PEAK1: variants seen among roughly 807,000 people sequenced by gnomAD.
PEAK1 encodes the protein pseudopodium enriched atypical kinase 1.
PEAK1 carries 54 observed loss-of-function variants against 124.7 expected under a neutral mutation model. The ratio of observed to expected loss-of-function variants is 0.43; its 90% CI spans 0.35 to 0.54. The LOEUF (loss-of-function observed/expected upper bound fraction) is 0.54, where lower values mean the gene tolerates loss of function less well. PEAK1 is among the 20% of genes least tolerant of loss of function. PEAK1 has a pLI of 0.01. For missense variants in PEAK1, 2,046 were observed against 2,134.5 expected, an observed-to-expected ratio of 0.96 and a Z score of 0.82; for synonymous variants, 719 against 760.0, an observed-to-expected ratio of 0.95 and a Z score of 0.89.
At chr15:77,191,173 A>C (rs2057813994) in intron 6 of PEAK1, among the ~76,000 whole-genome samples, 1 of 152,226 alleles carries the variant, frequency 6.6e-6, no homozygotes, top group African/African-American at 2.4e-5. Context: ...TCCTCTTGTG[A>C]TCTTATTCAC....
In PEAK1 at chr15:77,373,805, C is replaced by T. The variant is rs1325240048; in HGVS notation, c.-665-8580G>A. 5.3e-5 allele frequency among the ~76,000 whole-genome samples: 8 copies of T among 152,084 alleles called. No homozygotes were observed. The East Asian group carries it at 1.5e-3, about 29-fold the overall frequency. On this transcript the variant is annotated intron_variant, in intron 1 of 9. Transcript: ENST00000682557. ...GCTTATCAGGCTTCTAATTCTTTGG[C>T]AAAATAATAAATGAAGACATACCAG...
rs758296311 is a variant in PEAK1, at chr15:77,114,442, T to C, written c.4955A>G (p.Glu1652Gly). ...ASCLLNPNPS[E>G]RILISDAKGI... ...TTTGGCGTCTGAAATGAGGATCCGC[T>C]CAGAAGGGTTGGGATTCAGGAGGCA... Residue 1652 changes from glutamate (E) to glycine (G), a missense_variant, in exon 10 of 10, where the codon GAG becomes GGG. Coordinates refer to ENST00000682557, the MANE Select transcript of PEAK1 (RefSeq NM_001385026.1). 2.5e-6 allele frequency: 4 copies of C among 1,613,958 alleles called. No individual in the cohort carries two copies. The highest frequency in any genetic ancestry group is 3.4e-6 in the Non-Finnish European group (4 of 1,179,978).
intron 5 of PEAK1, among the ~76,000 whole-genome samples, chr15:77,256,438 A>G (rs1320770371): frequency 6.6e-6 from 1 of 152,106 alleles, no homozygotes; most frequent in Non-Finnish European, 1.5e-5. Context: ...TAGAATGGAA[A>G]TACAATGGTC....
At chr15:77,129,601 A>ATTTTTTTTT in intron 9 of PEAK1, among the ~76,000 whole-genome samples, 1 of 139,606 alleles carries the variant, frequency 7.2e-6, no homozygotes, top group Non-Finnish European at 1.5e-5. Context: ...ATGACTGGCT[A>ATTTTTTTTT]TTTTTTTTTT....
chr15:77,258,524 T>C (rs952263440), intron 5 of PEAK1, among the ~76,000 whole-genome samples: 9 of 152,180 alleles, frequency 5.9e-5, no homozygotes, highest in Non-Finnish European at 7.4e-5. Flanking sequence ...TTTGGCTCTC[T>C]GTTTGTCTGT....
At chr15:77,186,142 G>T (rs139255277) in intron 6 of PEAK1, among the ~76,000 whole-genome samples, 10 of 152,248 alleles carry the variant, frequency 6.6e-5, no homozygotes, top group African/African-American at 2.4e-4. Context: ...TTTGGGGGCA[G>T]TTCCTGTCAG....
intron 5 of PEAK1, among the ~76,000 whole-genome samples, chr15:77,272,276 T>C (rs2062077507): frequency 6.6e-6 from 1 of 151,848 alleles, no homozygotes; most frequent in Non-Finnish European, 1.5e-5. Context: ...CAGTACTAAA[T>C]GAAATTCAAA....
chr15:77,190,406 T>C (rs2057775984), intron 6 of PEAK1, among the ~76,000 whole-genome samples: 1 of 152,220 alleles, frequency 6.6e-6, no homozygotes, highest in African/African-American at 2.4e-5. Flanking sequence ...TAACTTAAAA[T>C]GCAGTCAAAG....
intron 2 of PEAK1, among the ~76,000 whole-genome samples, chr15:77,319,962 T>G (rs1381454391): frequency 6.6e-6 from 1 of 152,202 alleles, no homozygotes; most frequent in East Asian, 1.9e-4. Flanking sequence ...CAACATGAGA[T>G]TTTATTATAA....
At chr15:77,183,708 A>G (rs2057396977) in intron 6 of PEAK1, among the ~76,000 whole-genome samples, 1 of 152,232 alleles carries the variant, frequency 6.6e-6, no homozygotes, top group Non-Finnish European at 1.5e-5. Context: ...TGAAACATTC[A>G]TATCTGACAA....
chr15:77,254,067 G>A (rs2061009893), intron 5 of PEAK1, among the ~76,000 whole-genome samples: 1 of 152,136 alleles, frequency 6.6e-6, no homozygotes. Flanking sequence ...TGATCCACCT[G>A]CCTTGGCCTC....
chr15:77,404,678 G>C, intron 1 of PEAK1: 1 of 953,012 alleles, frequency 1.0e-6, no homozygotes, highest in Non-Finnish European at 1.2e-6. Flanking sequence ...TAAAGAGTCT[G>C]CTGTACTAAT....
At chr15:77,352,914 T>C in intron 2 of PEAK1, 4 of 985,280 alleles carry the variant, frequency 4.1e-6, no homozygotes, top group Non-Finnish European at 4.8e-6. Flanking sequence ...ATATTTGCTA[T>C]ACACAAATGA....
intron 7 of PEAK1, among the ~76,000 whole-genome samples, chr15:77,173,266 A>G (rs936237927): frequency 6.6e-6 from 1 of 152,220 alleles, no homozygotes; most frequent in African/African-American, 2.4e-5. Context: ...TCACTAATTG[A>G]CCTTACATGG....
At chr15:77,126,006 C>T (rs2152729558) in intron 9 of PEAK1, among the ~76,000 whole-genome samples, 1 of 152,288 alleles carries the variant, frequency 6.6e-6, no homozygotes, top group African/African-American at 2.4e-5. Context: ...GATGGGACTA[C>T]AGAGATGAAT....
chr15:77,325,169 A>C (rs2065488122), intron 2 of PEAK1, among the ~76,000 whole-genome samples: 1 of 152,190 alleles, frequency 6.6e-6, no homozygotes, highest in Admixed American at 6.5e-5. Context: ...CTACAATCTC[A>C]ACAATTTGGG....
chr15:77,193,540 G>A (rs139362373), intron 6 of PEAK1, among the ~76,000 whole-genome samples: 16 of 152,184 alleles, frequency 1.1e-4, no homozygotes, highest in African/African-American at 2.9e-4. Context: ...TGTCCTTTCC[G>A]CAATTACCCT....
chr15:77,108,351 A>G lies in PEAK1; in HGVS notation c.*5805T>C, dbSNP rs1596195434. 1 of 152,358 alleles carries G rather than the reference A, an allele frequency of 6.6e-6. No homozygotes were observed. The highest frequency in any genetic ancestry group is 1.9e-4 in the East Asian group (1 of 5,192). 9.4% of individuals were successfully genotyped at this position (152,358 alleles called of 1,614,324 possible). A position where few individuals can be genotyped will look rare whatever the true frequency, so the allele number is the denominator to read the frequency against. On this transcript the variant is annotated 3_prime_UTR_variant, in exon 10 of 10. Transcript: ENST00000682557. ...GGAAAGAGCAAAAACAAGATTTTCA[A>G]ATACAGAGTGTGGGCAGGGCCAGAG...
chr15:77,213,039 T>C (rs1376709075), intron 6 of PEAK1, among the ~76,000 whole-genome samples: 2 of 152,154 alleles, frequency 1.3e-5, no homozygotes, highest in Non-Finnish European at 2.9e-5. Flanking sequence ...TAAAGAAAAT[T>C]CTGAAAGATC....
Sources: allele counts gnomAD v4.1 joint callset (sites outside exome capture counted in the v4.1 genomes callset), GRCh38; gene constraint gnomAD v4.1.1; transcripts MANE v1.5; gene names NCBI Gene and HGNC (gene_info 2026-07-23, HGNC 2026-07-21).